Variants in FNDC3B observed in about 807,000 individuals in gnomAD.
FNDC3B encodes fibronectin type III domain-containing protein 3B.
In FNDC3B, 12 loss-of-function variants were observed where a neutral mutation model predicts 151.5. That is an observed-to-expected ratio of 0.08 (90% confidence interval 0.05 to 0.13). FNDC3B has a LOEUF of 0.13. Ranked by LOEUF, FNDC3B falls within the 10% of genes least tolerant of loss-of-function variation. The pLI is 1.00. For synonymous variants in FNDC3B, 528 were observed against 549.0 expected (o/e 0.96, Z 0.54); for missense variants, 1,214 against 1,505.3 (o/e 0.81, Z 3.20).
intron 6 of FNDC3B, among the ~76,000 whole-genome samples, chr3:172,274,417 CAAG>C (rs1729344518): frequency 6.6e-6 from 1 of 152,034 alleles, no homozygotes; most frequent in Admixed American, 6.6e-5. Flanking sequence ...GGATGGCCCC[CAAG>C]AAGAAGTAGA....
chr3:172,172,637 G>A (rs537230105), intron 3 of FNDC3B, among the ~76,000 whole-genome samples: 1 of 152,292 alleles, frequency 6.6e-6, no homozygotes, highest in African/African-American at 2.4e-5. Flanking sequence ...GAACTTGCTT[G>A]CCTGGGGAAC....
intron 6 of FNDC3B, among the ~76,000 whole-genome samples, chr3:172,277,821 C>T (rs1370108157): frequency 6.6e-6 from 1 of 152,124 alleles, no homozygotes; most frequent in African/African-American, 2.4e-5. Flanking sequence ...CTTACCCTTC[C>T]CTTTTGTTTT....
At chr3:172,299,658 G>A in intron 9 of FNDC3B, among the ~76,000 whole-genome samples, 2 of 151,052 alleles carry the variant, frequency 1.3e-5, no homozygotes, top group Middle Eastern at 6.8e-3. Flanking sequence ...CATAAAGATT[G>A]CAGAATAAAA....
chr3:172,245,996 C>T (rs1576834859), intron 4 of FNDC3B, among the ~76,000 whole-genome samples: 1 of 152,224 alleles, frequency 6.6e-6, no homozygotes, highest in Admixed American at 6.5e-5. Flanking sequence ...TGAAATATAA[C>T]ATAAACATTG....
intron 1 of FNDC3B, among the ~76,000 whole-genome samples, chr3:172,042,856 A>T (rs1364911250): frequency 7.1e-6 from 1 of 141,114 alleles, no homozygotes; most frequent in African/African-American, 2.7e-5. Context: ...TTTGAAATGG[A>T]GTCTCGCTCT....
chr3:172,397,132 A>G (rs1736330302), intron 25 of FNDC3B, 32 bp from the exon 26 acceptor site: 1 of 1,531,302 alleles, frequency 6.5e-7, no homozygotes, highest in Non-Finnish European at 8.8e-7. Context: ...GTTGCTATAA[A>G]TTAATTAACT....
intron 23 of FNDC3B, among the ~76,000 whole-genome samples, chr3:172,371,129 C>G (rs1435063876): frequency 2.0e-5 from 3 of 152,078 alleles, no homozygotes; most frequent in Admixed American, 6.5e-5. Flanking sequence ...TTGCCCACCC[C>G]CACAAATCCA....
chr3:172,292,700 T>A (rs574399166), intron 7 of FNDC3B, among the ~76,000 whole-genome samples: 6 of 152,338 alleles, frequency 3.9e-5, no homozygotes, highest in Admixed American at 2.6e-4. Flanking sequence ...TTCCAGTACC[T>A]AATGAGCCTC....
At chr3:172,135,998 G>A (rs1376142183) in intron 3 of FNDC3B, among the ~76,000 whole-genome samples, 1 of 152,204 alleles carries the variant, frequency 6.6e-6, no homozygotes, top group Non-Finnish European at 1.5e-5. Context: ...CTCAGGCTGT[G>A]CTATGCATTC....
intron 9 of FNDC3B, among the ~76,000 whole-genome samples, chr3:172,304,623 G>A (rs1731098816): frequency 6.6e-6 from 1 of 152,200 alleles, no homozygotes; most frequent in African/African-American, 2.4e-5. Context: ...GAGGCCAGGT[G>A]CAGTGGCTCA....
At chr3:172,078,172 G>C (rs1718111309) in intron 1 of FNDC3B, among the ~76,000 whole-genome samples, 1 of 152,082 alleles carries the variant, frequency 6.6e-6, no homozygotes, top group Non-Finnish European at 1.5e-5. Flanking sequence ...GTAGAGATGG[G>C]TTTTGCCATG....
chr3:172,053,325 T>A (rs1426417845), intron 1 of FNDC3B, among the ~76,000 whole-genome samples: 3 of 152,244 alleles, frequency 2.0e-5, no homozygotes, highest in Non-Finnish European at 4.4e-5. Flanking sequence ...AACTTTTTTT[T>A]AACTGTATCA....
Position 172,364,081 on chromosome 3 carries a change from G to C in FNDC3B, c.3008+1236G>C, listed in dbSNP as rs79404561. Among the ~76,000 whole-genome samples, 244 of 152,328 alleles carry C rather than the reference G, an allele frequency of 1.6e-3. 1 individual carries two copies. In the East Asian group the frequency reaches 0.027, roughly 17 times the overall value. ...TAGTTCTAGTGAAGAGAACACAGGG[G>C]AGGTAAAGCTTCTTTTGATAGGTTC... On this transcript the variant is annotated intron_variant, in intron 23 of 25. Coordinates refer to ENST00000415807, the MANE Select transcript of FNDC3B (RefSeq NM_022763.4).
intron 2 of FNDC3B, among the ~76,000 whole-genome samples, chr3:172,114,563 A>C (rs1720147618): frequency 6.6e-6 from 1 of 152,158 alleles, no homozygotes; most frequent in Non-Finnish European, 1.5e-5. Flanking sequence ...CTCTAAGCAG[A>C]AGCTGCTTAA....
intron 6 of FNDC3B, among the ~76,000 whole-genome samples, chr3:172,284,590 A>T (rs911056222): frequency 3.3e-5 from 5 of 151,772 alleles, no homozygotes; most frequent in African/African-American, 1.2e-4. Context: ...CCTGAACAGT[A>T]AGGACAAACA....
intron 22 of FNDC3B, among the ~76,000 whole-genome samples, chr3:172,359,171 A>G (rs965506891): frequency 6.6e-6 from 1 of 152,188 alleles, no homozygotes; most frequent in Non-Finnish European, 1.5e-5. Flanking sequence ...TTACAACAGA[A>G]GCCAAAAATC....
chr3:172,086,189 C>T (rs991103500), intron 1 of FNDC3B, among the ~76,000 whole-genome samples: 4 of 151,864 alleles, frequency 2.6e-5, no homozygotes, highest in Admixed American at 6.6e-5. Flanking sequence ...AAAGAGATGA[C>T]GTGTCTACAA....
intron 1 of FNDC3B, among the ~76,000 whole-genome samples, chr3:172,053,265 A>G (rs1716757270): frequency 6.6e-6 from 1 of 152,138 alleles, no homozygotes; most frequent in Non-Finnish European, 1.5e-5. Context: ...ATGAGAAGGC[A>G]TACTCAAAAA....
intron 11 of FNDC3B, among the ~76,000 whole-genome samples, chr3:172,324,978 G>A (rs541519144): frequency 2.6e-5 from 4 of 152,268 alleles, no homozygotes; most frequent in African/African-American, 4.8e-5. Flanking sequence ...TCAGCCCTGC[G>A]GACCAGCTGA....
Sources: allele counts gnomAD v4.1 joint callset (sites outside exome capture counted in the v4.1 genomes callset), GRCh38; gene constraint gnomAD v4.1.1; transcripts MANE v1.5; gene names NCBI Gene and HGNC (gene_info 2026-07-23, HGNC 2026-07-21).